Variants in SORCS3 observed in about 807,000 individuals in gnomAD.
SORCS3 encodes the protein sortilin related VPS10 domain containing receptor 3.
Under a neutral mutation model 146.3 loss-of-function variants are expected in SORCS3, and 57 were observed. The ratio of observed to expected loss-of-function variants is 0.39; its 90% CI spans 0.31 to 0.49. The LOEUF (loss-of-function observed/expected upper bound fraction) is 0.49. Ranked by LOEUF, SORCS3 falls within the 20% of genes least tolerant of loss-of-function variation. The pLI, the probability that SORCS3 is intolerant of heterozygous loss-of-function variation, is 0.92. For missense variants in SORCS3, 1,341 were observed against 1,575.5 expected (o/e 0.85, Z 2.52); for synonymous variants, 653 against 618.5 (o/e 1.06, Z -0.83).
At chr10:105,185,656 A>G (rs2056470926) in intron 14 of SORCS3, among the ~76,000 whole-genome samples, 1 of 152,210 alleles carries the variant, frequency 6.6e-6, no homozygotes, top group South Asian at 2.1e-4. Context: ...AAGCTTGTGT[A>G]CCCACCACCT....
intron 3 of SORCS3, among the ~76,000 whole-genome samples, chr10:104,955,573 C>A (rs1431381373): frequency 6.6e-6 from 1 of 152,196 alleles, no homozygotes; most frequent in Non-Finnish European, 1.5e-5. Flanking sequence ...ATATTCCCTG[C>A]TACTGGGTGT....
intron 7 of SORCS3, among the ~76,000 whole-genome samples, chr10:105,139,187 G>T (rs368224850): frequency 6.6e-6 from 1 of 152,230 alleles, no homozygotes. Flanking sequence ...CAGTGGGAAA[G>T]ATTGTTGTAA....
chr10:105,242,454 A>G lies in SORCS3; in HGVS notation c.2869-3088A>G, dbSNP rs1174842594. Reference sequence around the variant, plus strand: ...TATACATATATTTATATATATTTATATATATTTATATATTTATATATTTAT... The same window carrying G: ...TATACATATATTTATATATATTTATGTATATTTATATATTTATATATTTAT... On this transcript the variant is annotated intron_variant, in intron 20 of 26. Transcript: ENST00000369701. Among the ~76,000 whole-genome samples the G allele has an allele frequency of 3.0e-4, 27 of 88,832 alleles. 2 individuals carry two copies. The highest frequency in any genetic ancestry group is 1.0e-3 in the Admixed American group (6 of 5,784). 58.3% of individuals were successfully genotyped at this position (88,832 alleles called of 152,430 possible).
At chr10:105,032,117 G>A (rs552292674) in intron 4 of SORCS3, among the ~76,000 whole-genome samples, 20 of 152,218 alleles carry the variant, frequency 1.3e-4, no homozygotes, top group Non-Finnish European at 2.2e-4. Context: ...GCTTGAAACC[G>A]GAAGACAGAG....
chr10:104,892,335 G>T (rs963553262), intron 2 of SORCS3, among the ~76,000 whole-genome samples: 1 of 152,146 alleles, frequency 6.6e-6, no homozygotes, highest in Non-Finnish European at 1.5e-5. Flanking sequence ...ACCACATCAA[G>T]ACCAATAAAA....
chr10:105,030,063 G>A (rs115050143), intron 4 of SORCS3, among the ~76,000 whole-genome samples: 140 of 152,294 alleles, frequency 9.2e-4, no homozygotes, highest in Middle Eastern at 3.4e-3. Context: ...CTGAGATTGA[G>A]GAATTTAAAG....
intron 1 of SORCS3, among the ~76,000 whole-genome samples, chr10:104,684,470 T>C (rs931417083): frequency 2.0e-5 from 3 of 152,218 alleles, no homozygotes; most frequent in Non-Finnish European, 4.4e-5. Context: ...GCACCCACTG[T>C]GTGCCCGGCA....
intron 2 of SORCS3, among the ~76,000 whole-genome samples, chr10:104,860,592 A>C (rs1177398089): frequency 1.3e-5 from 2 of 152,158 alleles, no homozygotes; most frequent in Non-Finnish European, 2.9e-5. Context: ...CAGAAAAGAA[A>C]AAAAATGAAA....
intron 13 of SORCS3, among the ~76,000 whole-genome samples, chr10:105,177,358 C>G (rs551202118): frequency 6.6e-6 from 1 of 152,174 alleles, no homozygotes; most frequent in East Asian, 1.9e-4. Flanking sequence ...GGCTATGCCC[C>G]CTGGTTAAAT....
At chr10:104,971,829 A>G (rs1432419627) in intron 3 of SORCS3, among the ~76,000 whole-genome samples, 2 of 152,214 alleles carry the variant, frequency 1.3e-5, no homozygotes, top group Non-Finnish European at 2.9e-5. Context: ...ATGAAAAGGA[A>G]AAATAGATGA....
chr10:104,759,457 T>C (rs919021971), intron 1 of SORCS3, among the ~76,000 whole-genome samples: 19 of 152,176 alleles, frequency 1.2e-4, no homozygotes, highest in African/African-American at 4.6e-4. Context: ...GGGACATGAC[T>C]GAAGAGGGAC....
intron 3 of SORCS3, among the ~76,000 whole-genome samples, chr10:104,965,394 C>T (rs2054820969): frequency 6.6e-6 from 1 of 152,180 alleles, no homozygotes; most frequent in Admixed American, 6.5e-5. Flanking sequence ...CCATCAATTG[C>T]AATTGACACA....
intron 14 of SORCS3, among the ~76,000 whole-genome samples, chr10:105,195,431 G>A (rs1260226089): frequency 6.6e-6 from 1 of 152,142 alleles, no homozygotes; most frequent in East Asian, 1.9e-4. Flanking sequence ...CAATTTCTCT[G>A]TTGGTGTCTT....
At chr10:105,097,328 C>G (rs747881827) in intron 6 of SORCS3, among the ~76,000 whole-genome samples, 2 of 152,224 alleles carry the variant, frequency 1.3e-5, no homozygotes, top group South Asian at 4.1e-4. Flanking sequence ...AACAACTGTG[C>G]GAATAATCCT....
chr10:104,883,976 G>T (rs1429324508), intron 2 of SORCS3, among the ~76,000 whole-genome samples: 2 of 75,316 alleles, frequency 2.7e-5, no homozygotes, highest in Non-Finnish European at 2.5e-5. Context: ...GCTGTGGAAT[G>T]AGGGGGGGGA....
intron 1 of SORCS3, among the ~76,000 whole-genome samples, chr10:104,735,879 A>C (rs1434882170): frequency 6.6e-6 from 1 of 152,120 alleles, no homozygotes; most frequent in African/African-American, 2.4e-5. Context: ...TTTCCCTCTA[A>C]TCTGACCACC....
At chr10:105,109,604 T>TA (rs1259649365) in intron 7 of SORCS3, among the ~76,000 whole-genome samples, 1 of 152,138 alleles carries the variant, frequency 6.6e-6, no homozygotes, top group Non-Finnish European at 1.5e-5. Flanking sequence ...TCTCAGGGTA[T>TA]AAAATGTATG....
chr10:105,248,275 T>C (rs778674835), intron 22 of SORCS3, among the ~76,000 whole-genome samples: 4 of 152,198 alleles, frequency 2.6e-5, no homozygotes, highest in Non-Finnish European at 4.4e-5. Context: ...GAGAACAGTA[T>C]GATTCACGCT....
intron 7 of SORCS3, among the ~76,000 whole-genome samples, chr10:105,132,057 T>C (rs2056023384): frequency 6.6e-6 from 1 of 152,160 alleles, no homozygotes; most frequent in Non-Finnish European, 1.5e-5. Context: ...ACATAGAGGT[T>C]TGGAAATTTC....
Sources: gnomAD v4.1 joint callset for allele counts (sites outside exome capture counted in the v4.1 genomes callset) on GRCh38, gnomAD v4.1.1 for gene constraint, MANE v1.5 for transcripts, NCBI Gene and HGNC (gene_info 2026-07-23, HGNC 2026-07-21) for gene names.